ACYP2: variants seen among roughly 807,000 people sequenced by gnomAD.
ACYP2 encodes the protein acylphosphatase-2.
Under a neutral mutation model 11.2 loss-of-function variants are expected in ACYP2, and 12 were observed. The ratio of observed to expected loss-of-function variants is 1.08; its 90% CI spans 0.69 to 1.74. The LOEUF is 1.74. ACYP2 is among the 40% of genes most tolerant of loss of function. The pLI is 0.00. For synonymous variants in ACYP2, 43 were observed against 32.2 expected, an observed-to-expected ratio of 1.33 and a Z score of -1.13; for missense variants, 134 against 101.9, an observed-to-expected ratio of 1.31 and a Z score of -1.35.
intron 4 of ACYP2, among the ~76,000 whole-genome samples, chr2:54,105,732 G>A (rs992349205): frequency 4.6e-5 from 7 of 151,902 alleles, no homozygotes; most frequent in Non-Finnish European, 8.8e-5. Context: ...GGGCTCAAGC[G>A]ATCCTCCTGC....
At chr2:54,188,876 G>A (rs113955501) in intron 6 of ACYP2, among the ~76,000 whole-genome samples, 1,935 of 152,170 alleles carry the variant, frequency 0.013, 34 homozygotes, top group African/African-American at 0.039. Flanking sequence ...CATACCTGAC[G>A]CTCTGCTTTC....
chr2:54,146,811 T>C (rs1395614855), intron 6 of ACYP2, among the ~76,000 whole-genome samples: 3 of 151,980 alleles, frequency 2.0e-5, no homozygotes, highest in African/African-American at 2.4e-5. Context: ...TTTTTTTTTT[T>C]TGAGACAGAG....
chr2:54,048,485 GC>G (rs1461892195), intron 2 of ACYP2, among the ~76,000 whole-genome samples: 2 of 152,200 alleles, frequency 1.3e-5, no homozygotes, highest in East Asian at 3.9e-4. Flanking sequence ...TACCATTACA[GC>G]CACTTTTTAA....
In ACYP2 at chr2:54,137,757, GT is replaced by G. The variant is rs576848955; in HGVS notation, c.295-879del. Among the ~76,000 whole-genome samples, 38 of 152,274 alleles carry G rather than the reference GT, an allele frequency of 2.5e-4. No homozygotes were observed. In the East Asian group the frequency reaches 7.1e-3, roughly 29 times the overall value. On this transcript the variant is annotated intron_variant, in intron 5 of 6. Coordinates refer to ENST00000607452, the MANE Select transcript of ACYP2 (RefSeq NM_001320586.2). ...GTAGTGAACATATGTGTGTATGTGT[GT>G]TTATGATGAAACAATTTATATTCTT... is the stretch of plus-strand genomic sequence containing the variant.
intron 6 of ACYP2, among the ~76,000 whole-genome samples, chr2:54,185,520 G>A (rs534361154): frequency 4.6e-5 from 7 of 151,908 alleles, no homozygotes; most frequent in Non-Finnish European, 7.4e-5. Flanking sequence ...GTTATTTACC[G>A]CCTAAAGCAT....
chr2:54,289,441 T>G (rs543075682), intron 6 of ACYP2, among the ~76,000 whole-genome samples: 1 of 152,166 alleles, frequency 6.6e-6, no homozygotes, highest in Non-Finnish European at 1.5e-5. Flanking sequence ...CAGAAACACC[T>G]TTATTGGGAT....
At chr2:54,097,750 A>G (rs1448071271) in intron 4 of ACYP2, among the ~76,000 whole-genome samples, 1 of 151,960 alleles carries the variant, frequency 6.6e-6, no homozygotes, top group African/African-American at 2.4e-5. Context: ...ATGTTATTTT[A>G]GCTAGAAATG....
chr2:54,014,672 A>G (rs1673581014), intron 2 of ACYP2, among the ~76,000 whole-genome samples: 1 of 152,140 alleles, frequency 6.6e-6, no homozygotes, highest in Non-Finnish European at 1.5e-5. Context: ...TGGTTGAGTG[A>G]GAAATGCTTG....
At chr2:54,115,738 G>A in intron 4 of ACYP2, 2 of 1,612,980 alleles carry the variant, frequency 1.2e-6, no homozygotes, top group South Asian at 1.1e-5. Flanking sequence ...GGACTACGAG[G>A]TGTTCGGAAG....
At chr2:54,045,440 T>C (rs1207054589) in intron 2 of ACYP2, among the ~76,000 whole-genome samples, 2 of 152,192 alleles carry the variant, frequency 1.3e-5, no homozygotes, top group African/African-American at 4.8e-5. Flanking sequence ...CAGTGTTTTG[T>C]TTTTAAGAGA....
rs557024211 is a variant in ACYP2, at chr2:54,296,216, A to C, written c.405-8472A>C. ...GGCCCTTTTCACATAGGGGCAGTCA[A>C]AGAGGAGGCCCTAGAACAGCAGAAA... On this transcript the variant is annotated intron_variant, in intron 6 of 6. Coordinates refer to ENST00000607452, the MANE Select transcript of ACYP2 (RefSeq NM_001320586.2). 2.0e-5 allele frequency among the ~76,000 whole-genome samples: 3 copies of C among 152,338 alleles called. No homozygotes were observed. The East Asian group carries it at 5.8e-4, about 29-fold the overall frequency.
At position 54,078,043 on chromosome 2, in the gene ACYP2, C is replaced by A. The variant is rs185176103; in HGVS notation, c.277+20683C>A. Among the ~76,000 whole-genome samples the A allele has an allele frequency of 2.6e-3, 395 of 151,364 alleles. 1 individual carries two copies. The highest frequency in any genetic ancestry group is 9.4e-3 in the African/African-American group (389 of 41,232). The stretch of plus-strand genomic sequence containing the variant: ...GGAGTGCAATGGCACTGTCTCTGCT[C>A]ACTGCAACCTCGGCCTCCCAGGCCT... On this transcript the variant is annotated intron_variant, in intron 4 of 6. Transcript: ENST00000607452.
chr2:54,025,865 G>GCAGGAATTTGAGGCTGAGGT (rs1674256350), intron 2 of ACYP2, among the ~76,000 whole-genome samples: 1 of 152,212 alleles, frequency 6.6e-6, no homozygotes, highest in Non-Finnish European at 1.5e-5. Flanking sequence ...GGAGGCCGAG[G>GCAGGAATTTGAGGCTGAGGT]CAGGAATTTG....
intron 6 of ACYP2, among the ~76,000 whole-genome samples, chr2:54,156,428 A>C (rs1284283956): frequency 2.0e-5 from 3 of 152,008 alleles, no homozygotes; most frequent in South Asian, 2.1e-4. Flanking sequence ...CCTGCTCCCC[A>C]ACAAGCCCCA....
chr2:54,195,360 A>G (rs1422648570), intron 6 of ACYP2, among the ~76,000 whole-genome samples: 1 of 152,212 alleles, frequency 6.6e-6, no homozygotes, highest in African/African-American at 2.4e-5. Context: ...ATATCCTTTG[A>G]CAGTCAGCTT....
At chr2:54,045,634 G>A (rs1446909898) in intron 2 of ACYP2, among the ~76,000 whole-genome samples, 3 of 150,708 alleles carry the variant, frequency 2.0e-5, no homozygotes, top group Non-Finnish European at 4.4e-5. Flanking sequence ...GGCTAAGACG[G>A]TGAAACCCTG....
intron 3 of ACYP2, among the ~76,000 whole-genome samples, chr2:54,057,080 T>C (rs1318960101): frequency 6.6e-6 from 1 of 152,198 alleles, no homozygotes; most frequent in Non-Finnish European, 1.5e-5. Flanking sequence ...TGTTTTCCCT[T>C]TCAATATTTG....
rs143681564 is a variant in ACYP2, at chr2:54,017,272, CTT to C, written c.63-33671_63-33670del. 2.2e-4 allele frequency among the ~76,000 whole-genome samples: 27 copies of C among 123,116 alleles called. 1 individual carries two copies. The highest frequency in any genetic ancestry group is 4.4e-4 in the East Asian group (2 of 4,552). The allele number at this position is 123,116 out of a possible 152,430, so 80.8% of individuals were successfully genotyped here. ...CGTTAAGTTTCTTTTCTTTTCTTTT[CTT>C]TTTTTTTTTTTTTTGAGACAGAGTC... On this transcript the variant is annotated intron_variant, in intron 2 of 6. Coordinates refer to ENST00000607452, the MANE Select transcript of ACYP2 (RefSeq NM_001320586.2).
chr2:54,240,114 T>C (rs957005211), intron 6 of ACYP2, among the ~76,000 whole-genome samples: 2 of 152,166 alleles, frequency 1.3e-5, no homozygotes, highest in African/African-American at 4.8e-5. Flanking sequence ...TGTGACCAAG[T>C]AGATGTTTGA....
Sources: allele counts gnomAD v4.1 joint callset (sites outside exome capture counted in the v4.1 genomes callset), GRCh38; gene constraint gnomAD v4.1.1; transcripts MANE v1.5; gene names NCBI Gene and HGNC (gene_info 2026-07-23, HGNC 2026-07-21).